Variants in AEBP2 observed in about 807,000 individuals in gnomAD.
The protein encoded by AEBP2 is AE binding protein 2, also known as zinc finger protein AEBP2.
In AEBP2, 10 loss-of-function variants were observed where a neutral mutation model predicts 50.8. The observed-to-expected ratio is 0.20, with a 90% confidence interval of 0.12 to 0.33. AEBP2 has a LOEUF of 0.33. AEBP2 is among the 10% of genes least tolerant of loss of function. The pLI, the probability that AEBP2 is intolerant of heterozygous loss-of-function variation, is 1.00. For synonymous variants in AEBP2, 296 were observed against 261.3 expected, an observed-to-expected ratio of 1.13 and a Z score of -1.28; for missense variants, 570 against 688.0, an observed-to-expected ratio of 0.83 and a Z score of 1.92.
chr12:19,503,090 A>C (rs546757200), intron 5 of AEBP2, among the ~76,000 whole-genome samples: 21 of 152,146 alleles, frequency 1.4e-4, no homozygotes, highest in Admixed American at 5.2e-4. Context: ...TTTTCATTCC[A>C]TGTGAATTTT....
At chr12:19,488,841 G>C (rs867423729) in intron 3 of AEBP2, among the ~76,000 whole-genome samples, 1 of 152,168 alleles carries the variant, frequency 6.6e-6, no homozygotes. Context: ...CTGTCACCCA[G>C]AGCAATGGTG....
At position 19,521,461 on chromosome 12, in the gene AEBP2, C is replaced by T. The variant is rs773090157; in HGVS notation, c.*3344C>T. 2.6e-5 allele frequency: 4 copies of T among 151,936 alleles called. No individual in the cohort carries two copies. Among genetic ancestry groups the T allele is most frequent in the Non-Finnish European group, 5.9e-5 (4 of 67,966 alleles). The allele number at this position is 151,936 out of a possible 1,614,324, so 9.4% of individuals were successfully genotyped here. On this transcript the variant is annotated 3_prime_UTR_variant, in exon 8 of 8. Coordinates refer to ENST00000266508, the MANE Select transcript of AEBP2 (RefSeq NM_153207.5). ...TTTGTACATCAGATTGTGTTTGAAC[C>T]GTAAGGCACATCTGCTTTATCTAAA...
chr12:19,440,710 C>CA lies in AEBP2; in HGVS notation c.671+341dup, dbSNP rs1565703276. On this transcript the variant is annotated intron_variant, in intron 1 of 7. Coordinates refer to ENST00000266508, the MANE Select transcript of AEBP2 (RefSeq NM_153207.5). ...CGGAGCAGAAGAGGGCCTTGATGTACACACGTCGGTACTCAAGGTTAGCTT... is the reference window on the plus strand; with the variant it reads ...CGGAGCAGAAGAGGGCCTTGATGTACAACACGTCGGTACTCAAGGTTAGCTT... 2.6e-6 allele frequency: 4 copies of CA among 1,533,376 alleles called. No homozygotes were observed. The African/African-American group carries it at 4.1e-5, about 16-fold the overall frequency. The allele number at this position is 1,533,376 out of a possible 1,614,324, so 95.0% of individuals were successfully genotyped here.
At chr12:19,411,381 C>T (rs547823988) in intron 1 of AEBP2, among the ~76,000 whole-genome samples, 3 of 152,300 alleles carry the variant, frequency 2.0e-5, no homozygotes, top group Admixed American at 1.3e-4. Flanking sequence ...TACCACATCC[C>T]GTGCCCTGAT....
intron 1 of AEBP2, among the ~76,000 whole-genome samples, chr12:19,443,483 C>A (rs968637743): frequency 6.6e-6 from 1 of 151,820 alleles, no homozygotes; most frequent in Non-Finnish European, 1.5e-5. Context: ...CTTTGGGAGG[C>A]CGAGTCGGGT....
intron 1 of AEBP2, among the ~76,000 whole-genome samples, chr12:19,450,193 G>GT (rs1948142023): frequency 6.6e-6 from 1 of 151,804 alleles, no homozygotes; most frequent in East Asian, 1.9e-4. Flanking sequence ...TTTGTCCTTC[G>GT]TAAGTAGAAA....
At chr12:19,448,906 C>A (rs1181215458) in intron 1 of AEBP2, among the ~76,000 whole-genome samples, 1 of 152,068 alleles carries the variant, frequency 6.6e-6, no homozygotes, top group Admixed American at 6.6e-5. Context: ...TCTCGAACCC[C>A]TGAGCTCAAG....
intron 3 of AEBP2, among the ~76,000 whole-genome samples, chr12:19,490,866 G>T (rs1948886831): frequency 6.6e-6 from 1 of 152,150 alleles, no homozygotes; most frequent in South Asian, 2.1e-4. Context: ...TAAAAAAATG[G>T]AAATAGTGTT....
chr12:19,476,408 C>A (rs1948650293), intron 3 of AEBP2, among the ~76,000 whole-genome samples: 1 of 152,152 alleles, frequency 6.6e-6, no homozygotes, highest in African/African-American at 2.4e-5. Flanking sequence ...GTGGTGTGAT[C>A]TTGACTTACT....
chr12:19,439,469 G>T (rs1046893642), upstream of AEBP2, among the ~76,000 whole-genome samples: 3 of 151,632 alleles, frequency 2.0e-5, no homozygotes, highest in Non-Finnish European at 4.4e-5. Flanking sequence ...GTGCTGCCTC[G>T]TGCCGCCGCG....
At chr12:19,442,467 A>G (rs111439351) in intron 1 of AEBP2, among the ~76,000 whole-genome samples, 7 of 152,342 alleles carry the variant, frequency 4.6e-5, no homozygotes, top group African/African-American at 1.7e-4. Context: ...CATTTACTAC[A>G]TCACTTCAGG....
intron 1 of AEBP2, among the ~76,000 whole-genome samples, chr12:19,424,530 G>A (rs1269263308): frequency 6.6e-6 from 1 of 151,908 alleles, no homozygotes; most frequent in Non-Finnish European, 1.5e-5. Flanking sequence ...CTGAGTAGCT[G>A]GGACTACAGG....
At chr12:19,424,914 C>T (rs989991138) in intron 1 of AEBP2, among the ~76,000 whole-genome samples, 4 of 152,068 alleles carry the variant, frequency 2.6e-5, no homozygotes, top group Non-Finnish European at 4.4e-5. Context: ...GAGGCTGAGG[C>T]GGGAGAATCA....
At chr12:19,513,791 C>A (rs1949271508) in intron 6 of AEBP2, among the ~76,000 whole-genome samples, 1 of 151,500 alleles carries the variant, frequency 6.6e-6, no homozygotes, top group South Asian at 2.1e-4. Context: ...TGTGTATATT[C>A]CTAATGTTTT....
chr12:19,485,734 G>A (rs1234045882), intron 3 of AEBP2, among the ~76,000 whole-genome samples: 1 of 148,766 alleles, frequency 6.7e-6, no homozygotes, highest in African/African-American at 2.5e-5. Flanking sequence ...AGAAAAGCAG[G>A]CCTCTATACT....
chr12:19,445,131 C>A (rs1269833186), intron 1 of AEBP2, among the ~76,000 whole-genome samples: 1 of 152,044 alleles, frequency 6.6e-6, no homozygotes, highest in African/African-American at 2.4e-5. Flanking sequence ...ATTTGGTACA[C>A]GTTCATTAAG....
intron 1 of AEBP2, among the ~76,000 whole-genome samples, chr12:19,424,825 TG>T (rs1047256340): frequency 3.3e-5 from 5 of 151,616 alleles, no homozygotes; most frequent in African/African-American, 1.2e-4. Flanking sequence ...CTGGCCAACA[TG>T]GTGAAACCCC....
intron 1 of AEBP2, among the ~76,000 whole-genome samples, chr12:19,417,547 A>G (rs2095743273): frequency 2.0e-5 from 3 of 150,524 alleles, no homozygotes; most frequent in Admixed American, 2.0e-4. Flanking sequence ...AGCTGGGATT[A>G]TAGGCACGCA....
intron 3 of AEBP2, among the ~76,000 whole-genome samples, chr12:19,483,303 A>G (rs867114849): frequency 6.6e-6 from 1 of 152,120 alleles, no homozygotes. Context: ...GTTCCCTTAA[A>G]TCTGTTTCAG....
Sources: gnomAD v4.1 joint callset for allele counts (sites outside exome capture counted in the v4.1 genomes callset) on GRCh38, gnomAD v4.1.1 for gene constraint, MANE v1.5 for transcripts, NCBI Gene and HGNC (gene_info 2026-07-23, HGNC 2026-07-21) for gene names.